FRMPD4: variants seen among roughly 807,000 people sequenced by gnomAD.
The protein encoded by FRMPD4 is FERM and PDZ domain containing 4.
A neutral mutation model predicts 94.1 loss-of-function variants in FRMPD4; 22 were observed. The ratio of observed to expected loss-of-function variants is 0.23; its 90% confidence interval spans 0.17 to 0.33. The LOEUF (loss-of-function observed/expected upper bound fraction) is 0.33. FRMPD4 is among the 10% of genes least tolerant of loss of function. FRMPD4 has a pLI of 1.00. For synonymous variants in FRMPD4, 631 were observed against 548.6 expected (o/e 1.15, Z -2.10); for missense variants, 1,111 against 1,339.9 (o/e 0.83, Z 2.67).
At chrX:12,116,018 T>C (rs927355434) in intron 3 of FRMPD4, among the ~76,000 whole-genome samples, 9 of 112,595 alleles carry the variant, frequency 8.0e-5, no homozygotes, top group African/African-American at 2.9e-4. Context: ...TAGTCTTTCC[T>C]TTTTATAATT....
rs1421234257 is a variant in FRMPD4 at position 12,193,825 on chromosome X, AGGAG to A, written c.41+54817_41+54820del. Among the ~76,000 whole-genome samples the A allele has an allele frequency of 1.4e-3, 52 of 36,129 alleles. 5 individuals carry two copies. Among genetic ancestry groups the A allele is most frequent in the East Asian group, 8.6e-3 (3 of 349 alleles). 31.4% of individuals were successfully genotyped at this position (36,129 alleles called of 115,157 possible). On this transcript the variant is annotated intron_variant, in intron 1 of 16. Coordinates refer to ENST00000675598, the MANE Select transcript of FRMPD4 (RefSeq NM_001368397.1). ...AAGGAAGGAAGGAAGGAAGGAAGGA[AGGAG>A]GGAAGGAAGAAAGAAAAGAAAGAAA...
chrX:12,322,668 G>A (rs1270848367), intron 1 of FRMPD4, among the ~76,000 whole-genome samples: 1 of 111,132 alleles, frequency 9.0e-6, no homozygotes, highest in Non-Finnish European at 1.9e-5. Context: ...AGGCATGAGT[G>A]ACCTGTATTT....
At chrX:12,364,854 G>C (rs142292154) in intron 1 of FRMPD4, among the ~76,000 whole-genome samples, 1 of 112,097 alleles carries the variant, frequency 8.9e-6, no homozygotes, top group East Asian at 2.8e-4. Flanking sequence ...TTGAAGTCCT[G>C]AAATTCTCAT....
chrX:12,098,690 G>A (rs1423176146), intron 3 of FRMPD4, among the ~76,000 whole-genome samples: 3 of 111,041 alleles, frequency 2.7e-5, no homozygotes, highest in African/African-American at 6.6e-5. Context: ...TATGATTTGG[G>A]GTGGGATGCT....
chrX:12,542,378 A>T (rs1481324550), intron 2 of FRMPD4, among the ~76,000 whole-genome samples: 2 of 112,654 alleles, frequency 1.8e-5, no homozygotes, highest in East Asian at 2.8e-4. Flanking sequence ...CTGATAAGCA[A>T]CTTCAGCAAA....
chrX:11,844,351 T>C (rs921112338), intron 1 of FRMPD4, among the ~76,000 whole-genome samples: 1 of 110,830 alleles, frequency 9.0e-6, no homozygotes, highest in Admixed American at 9.7e-5. Flanking sequence ...ACCCTTATTT[T>C]TGGAGGATTT....
At chrX:12,583,533 A>G in intron 2 of FRMPD4, 1 of 1,034,539 alleles carries the variant, frequency 9.7e-7, no homozygotes, top group Non-Finnish European at 1.3e-6. Flanking sequence ...CCATATTATG[A>G]TCCTCATAAC....
intron 3 of FRMPD4, among the ~76,000 whole-genome samples, chrX:12,002,166 C>T (rs1471382537): frequency 9.0e-6 from 1 of 111,600 alleles, no homozygotes; most frequent in African/African-American, 3.3e-5. Flanking sequence ...GCATTTATTA[C>T]CCAAATTCTG....
At chrX:12,470,019 T>C (rs771357401) in intron 1 of FRMPD4, among the ~76,000 whole-genome samples, 4 of 112,005 alleles carry the variant, frequency 3.6e-5, no homozygotes, top group East Asian at 2.8e-4. Flanking sequence ...AGTCCAGTGA[T>C]TAGGATCAGA....
chrX:12,069,993 A>G (rs1288275998), intron 3 of FRMPD4, among the ~76,000 whole-genome samples: 1 of 111,384 alleles, frequency 9.0e-6, no homozygotes, highest in African/African-American at 3.3e-5. Context: ...ATGTGGGTAA[A>G]CCTTTCTAAA....
At chrX:11,825,139 G>A (rs997232637) in intron 1 of FRMPD4, among the ~76,000 whole-genome samples, 1 of 107,552 alleles carries the variant, frequency 9.3e-6, no homozygotes, top group Admixed American at 1.0e-4. Flanking sequence ...AAAAGCAAAA[G>A]TACTTGAGAG....
chrX:12,525,028 T>A (rs1050048880), intron 2 of FRMPD4, among the ~76,000 whole-genome samples: 1 of 111,533 alleles, frequency 9.0e-6, no homozygotes, highest in African/African-American at 3.3e-5. Context: ...CCAAGATAAT[T>A]CTTCTTCTTC....
chrX:12,145,681 T>TA (rs1342093565), intron 1 of FRMPD4, among the ~76,000 whole-genome samples: 1 of 112,937 alleles, frequency 8.9e-6, no homozygotes, highest in Non-Finnish European at 1.9e-5. Flanking sequence ...GAGAGTTGGA[T>TA]AGCTGTGACA....
At chrX:12,712,063 T>C (rs2041996960) in intron 14 of FRMPD4, among the ~76,000 whole-genome samples, 1 of 111,173 alleles carries the variant, frequency 9.0e-6, no homozygotes, top group South Asian at 3.8e-4. Context: ...TTTAATCCAG[T>C]CCCATCTTGA....
intron 1 of FRMPD4, among the ~76,000 whole-genome samples, chrX:12,275,019 A>G (rs774302513): frequency 2.3e-4 from 26 of 111,844 alleles, no homozygotes; most frequent in Non-Finnish European, 3.8e-4. Flanking sequence ...AAAAAAATAA[A>G]CCACATGTAC....
chrX:11,899,553 C>A (rs1370705400), intron 3 of FRMPD4, among the ~76,000 whole-genome samples: 1 of 111,187 alleles, frequency 9.0e-6, no homozygotes, highest in African/African-American at 3.3e-5. Flanking sequence ...TTTATTTAGC[C>A]ATAGACGCTG....
chrX:12,125,148 C>T (rs1468122505), intron 3 of FRMPD4, among the ~76,000 whole-genome samples: 2 of 111,866 alleles, frequency 1.8e-5, no homozygotes, highest in African/African-American at 6.5e-5. Context: ...TCCAATAATT[C>T]CATACTGAGA....
At chrX:11,869,664 T>C (rs2053744852) in intron 2 of FRMPD4, among the ~76,000 whole-genome samples, 2 of 111,838 alleles carry the variant, frequency 1.8e-5, no homozygotes, top group South Asian at 7.6e-4. Context: ...TTGAATTTCT[T>C]TGACTTGCTG....
chrX:12,284,969 C>T (rs1307609898), intron 1 of FRMPD4, among the ~76,000 whole-genome samples: 3 of 111,874 alleles, frequency 2.7e-5, no homozygotes, highest in Non-Finnish European at 5.6e-5. Context: ...TTATGTAAAG[C>T]ATTGAGGAAC....
Sources: allele counts gnomAD v4.1 joint callset (sites outside exome capture counted in the v4.1 genomes callset), GRCh38; gene constraint gnomAD v4.1.1; transcripts MANE v1.5; gene names NCBI Gene and HGNC (gene_info 2026-07-23, HGNC 2026-07-21).